Variants in CDH13 observed in about 807,000 individuals in gnomAD.
CDH13 encodes cadherin 13.
A neutral mutation model predicts 63.8 loss-of-function variants in CDH13; 24 were observed. The observed-to-expected ratio is 0.38, with a 90% CI of 0.27 to 0.53. CDH13 has a LOEUF of 0.53. Ranked by LOEUF, CDH13 falls within the 20% of genes least tolerant of loss-of-function variation. The pLI, the probability that CDH13 is intolerant of heterozygous loss-of-function variation, is 0.85. For missense variants in CDH13, 1,049 were observed against 903.1 expected (o/e 1.16, Z -2.07); for synonymous variants, 503 against 355.3 (o/e 1.42, Z -4.67).
intron 2 of CDH13, among the ~76,000 whole-genome samples, chr16:82,875,640 T>G (rs533364929): frequency 6.6e-6 from 1 of 152,330 alleles, no homozygotes; most frequent in South Asian, 2.1e-4. Flanking sequence ...TTCAAAAAGT[T>G]TAAAACATGA....
chr16:83,366,362 T>C (rs1191874815), intron 6 of CDH13, among the ~76,000 whole-genome samples: 2 of 152,224 alleles, frequency 1.3e-5, no homozygotes, highest in Admixed American at 6.5e-5. Context: ...ATGCGTGCGA[T>C]GCCACTCATT....
chr16:83,402,058 T>C (rs1406037631), intron 6 of CDH13, among the ~76,000 whole-genome samples: 4 of 152,202 alleles, frequency 2.6e-5, no homozygotes, highest in African/African-American at 7.2e-5. Flanking sequence ...TCTCATTGTA[T>C]ACTTCCTTGT....
At chr16:83,414,632 C>G (rs554868281) in intron 6 of CDH13, among the ~76,000 whole-genome samples, 35 of 152,240 alleles carry the variant, frequency 2.3e-4, no homozygotes, top group African/African-American at 8.4e-4. Flanking sequence ...GGTTATATGA[C>G]TATTTTGAGT....
At chr16:83,598,489 T>C (rs564951970) in intron 7 of CDH13, among the ~76,000 whole-genome samples, 1 of 152,354 alleles carries the variant, frequency 6.6e-6, no homozygotes, top group East Asian at 1.9e-4. Flanking sequence ...GAATACTGTT[T>C]TGAAGAACCT....
chr16:83,393,053 T>C (rs1306861951), intron 6 of CDH13, among the ~76,000 whole-genome samples: 2 of 152,186 alleles, frequency 1.3e-5, no homozygotes, highest in South Asian at 2.1e-4. Flanking sequence ...CCAGAGACAG[T>C]TCCCTGCCAG....
At chr16:83,646,021 C>G (rs1407944927) in intron 8 of CDH13, among the ~76,000 whole-genome samples, 1 of 152,180 alleles carries the variant, frequency 6.6e-6, no homozygotes, top group Non-Finnish European at 1.5e-5. Flanking sequence ...TCCAGCCTCG[C>G]CCCGTTGGGA....
chr16:83,700,720 AG>A lies in CDH13; in HGVS notation c.1538+22260del, dbSNP rs768005106. Among the ~76,000 whole-genome samples the A allele has an allele frequency of 5.9e-5, 9 of 152,268 alleles. No individual in the cohort carries two copies. The South Asian group carries it at 6.2e-4, about 10-fold the overall frequency. On this transcript the variant is annotated intron_variant, in intron 10 of 13. Coordinates refer to ENST00000567109, the MANE Select transcript of CDH13 (RefSeq NM_001257.5). Reference sequence around the variant, plus strand: ...AATTAACAAACATGGAGCAGCATAAAGAAGTAAATTAAAAATCACCTTTAAT... The same window carrying A: ...AATTAACAAACATGGAGCAGCATAAAAAGTAAATTAAAAATCACCTTTAAT...
At chr16:82,682,798 G>GC (rs1487094936) in intron 1 of CDH13, among the ~76,000 whole-genome samples, 2 of 152,176 alleles carry the variant, frequency 1.3e-5, no homozygotes, top group African/African-American at 4.8e-5. Context: ...AGAAGGCCTA[G>GC]CCCTCTGCTC....
At chr16:82,815,897 C>T (rs929296304) in intron 1 of CDH13, among the ~76,000 whole-genome samples, 32 of 152,202 alleles carry the variant, frequency 2.1e-4, no homozygotes, top group East Asian at 9.7e-4. Context: ...GTTGGGGAAA[C>T]GGAAAATGTC....
At chr16:83,316,835 C>G (rs1284430655) in intron 5 of CDH13, among the ~76,000 whole-genome samples, 1 of 152,076 alleles carries the variant, frequency 6.6e-6, no homozygotes, top group African/African-American at 2.4e-5. Flanking sequence ...GATATTTATG[C>G]TTGTCTTCCA....
intron 1 of CDH13, among the ~76,000 whole-genome samples, chr16:82,739,065 C>A (rs1240466708): frequency 1.3e-5 from 2 of 152,218 alleles, no homozygotes; most frequent in African/African-American, 2.4e-5. Context: ...CTCTTCCCCA[C>A]CCCTGGGAAC....
intron 1 of CDH13, among the ~76,000 whole-genome samples, chr16:82,634,448 A>C (rs1908403544): frequency 6.6e-6 from 1 of 152,214 alleles, no homozygotes. Flanking sequence ...AGGCTGACTC[A>C]GACTGCCCGG....
chr16:83,254,524 C>T (rs1010474027), intron 5 of CDH13, among the ~76,000 whole-genome samples: 3 of 152,196 alleles, frequency 2.0e-5, no homozygotes, highest in African/African-American at 7.2e-5. Context: ...CATAATGACT[C>T]TATGGACAGG....
intron 7 of CDH13, among the ~76,000 whole-genome samples, chr16:83,550,876 A>G (rs916597026): frequency 1.3e-5 from 2 of 152,042 alleles, no homozygotes; most frequent in South Asian, 2.1e-4. Context: ...TTAGAAATCT[A>G]AGTTGCCTTG....
At chr16:82,718,604 C>T (rs1381508) in intron 1 of CDH13, among the ~76,000 whole-genome samples, 32,911 of 152,082 alleles carry the variant, frequency 0.22, 3,997 homozygotes, top group Non-Finnish European at 0.28. Flanking sequence ...GGGCAATTTA[C>T]AAAAGAGGTT....
At chr16:83,726,430 C>A (rs764524496) in intron 10 of CDH13, 3 of 152,048 alleles carry the variant, frequency 2.0e-5, no homozygotes, top group Non-Finnish European at 2.9e-5. Flanking sequence ...TTATCTTGGC[C>A]CCTTCTGCTG....
chr16:83,147,268 C>G (rs1342590348), intron 4 of CDH13, among the ~76,000 whole-genome samples: 1 of 152,200 alleles, frequency 6.6e-6, no homozygotes, highest in Non-Finnish European at 1.5e-5. Flanking sequence ...CCACATCCAC[C>G]TTCTTCCGTC....
chr16:82,758,765 G>C (rs1233637150), intron 1 of CDH13, among the ~76,000 whole-genome samples: 2 of 152,206 alleles, frequency 1.3e-5, no homozygotes, highest in Non-Finnish European at 2.9e-5. Context: ...AGAGGATGGG[G>C]CCATGATTAG....
chr16:83,758,857 A>C (rs7202177), intron 11 of CDH13, among the ~76,000 whole-genome samples: 2 of 152,344 alleles, frequency 1.3e-5, no homozygotes, highest in South Asian at 4.1e-4. Context: ...ACTACAAATG[A>C]CTGCCTAAGA....
Sources: allele counts gnomAD v4.1 joint callset (sites outside exome capture counted in the v4.1 genomes callset), GRCh38; gene constraint gnomAD v4.1.1; transcripts MANE v1.5; gene names NCBI Gene and HGNC (gene_info 2026-07-23, HGNC 2026-07-21).